ECE2: variants seen among roughly 807,000 people sequenced by gnomAD.
ECE2 encodes endothelin-converting enzyme 2.
In ECE2, 81 loss-of-function variants were observed where a neutral mutation model predicts 100.6. That is an observed-to-expected ratio of 0.81 (90% CI 0.67 to 0.97). The LOEUF is 0.97. Among genes scored for constraint, ECE2 ranks in the 50% least tolerant of loss-of-function variants. ECE2 has a pLI of 0.00. For missense variants in ECE2, 911 were observed against 988.1 expected, an observed-to-expected ratio of 0.92 and a Z score of 1.05; for synonymous variants, 391 against 391.5, an observed-to-expected ratio of 1.00 and a Z score of 0.02.
At chr3:184,290,888 A>G (rs776695217) in intron 16 of ECE2, 28 bp downstream of exon 16, 1 of 1,613,990 alleles carries the variant, frequency 6.2e-7, no homozygotes, top group Non-Finnish European at 8.5e-7. Context: ...CGTCCCCTCT[A>G]GCCTAGAATT....
chr3:184,291,941 G>T lies in ECE2; in HGVS notation c.2122-121G>T. 1.7e-6 allele frequency: 2 copies of T among 1,211,418 alleles called. No individual in the cohort carries two copies. The highest frequency in any genetic ancestry group is 2.3e-6 in the Non-Finnish European group (2 of 865,610). The allele number at this position is 1,211,418 out of a possible 1,614,324, so 75.0% of individuals were successfully genotyped here. On this transcript the variant is annotated intron_variant, in intron 18 of 18. Transcript: ENST00000404464. The surrounding 1 kb of genome is among the most constrained non-coding windows in gnomAD (Gnocchi z 4.1). ...GCAACCCGATGTCCAGGGCAGTTTT[G>T]GAAGGAACTTGGGAGGGGCTGCAGC...
At chr3:184,288,242 G>A (rs989366262) in intron 11 of ECE2, among the ~76,000 whole-genome samples, 5 of 150,308 alleles carry the variant, frequency 3.3e-5, no homozygotes, top group African/African-American at 7.4e-5. Context: ...CCCAGGAGGC[G>A]GAGGTTGCAG....
chr3:184,290,208 T>G, intron 13 of ECE2, 47 bp from the exon 14 acceptor site: 4 of 1,505,704 alleles, frequency 2.7e-6, no homozygotes, highest in Non-Finnish European at 3.7e-6. Context: ...TATTATCTTC[T>G]CCAATGGATT....
At position 184,285,109 on chromosome 3, in the gene ECE2, T is replaced by C. The variant is rs779854308; in HGVS notation, c.1148+4T>C. ...TCATCAACCGCACGGAACCAAGGTG[T>C]GGGGGTAGCCCAGGGTGAGGGTGGG... On this transcript the variant is annotated splice_donor_region_variant and intron_variant, in intron 9 of 18. Coordinates refer to ENST00000404464, the MANE Select transcript of ECE2 (RefSeq NM_001100121.2). 1.2e-6 allele frequency: 2 copies of C among 1,612,944 alleles called. No individual in the cohort carries two copies. Among genetic ancestry groups the C allele is most frequent in the Non-Finnish European group, 1.7e-6 (2 of 1,179,520 alleles).
chr3:184,292,013 C>T (rs760723312), intron 18 of ECE2, 49 bp from the exon 19 acceptor site: 13 of 1,560,844 alleles, frequency 8.3e-6, no homozygotes, highest in Admixed American at 3.6e-5. Flanking sequence ...CTCTAAGGCC[C>T]GGCTCCACAC....
intron 10 of ECE2, among the ~76,000 whole-genome samples, chr3:184,286,392 T>C (rs1721036580): frequency 6.6e-6 from 1 of 151,984 alleles, no homozygotes; most frequent in Non-Finnish European, 1.5e-5. Flanking sequence ...GGGAGTAGCA[T>C]GGAGAGGAGA....
rs1256782469 is a variant in ECE2 at position 184,286,834 on chromosome 3, G to T, written c.1264-1003G>T. The stretch of plus-strand genomic sequence containing the variant: ...AAAAAAAGGCAATTGCAGACTGAGT[G>T]TGGTGGCTCGTGCCTGTAATCAGCA... On this transcript the variant is annotated intron_variant, in intron 10 of 18. Transcript: ENST00000404464. Among the ~76,000 whole-genome samples, 3 of 150,668 alleles carry T rather than the reference G, an allele frequency of 2.0e-5. No homozygotes were observed. The East Asian group carries it at 5.8e-4, about 29-fold the overall frequency.
chr3:184,284,936 G>A (rs755659420), intron 8 of ECE2, 27 bp from the exon 9 acceptor site: 3 of 1,608,826 alleles, frequency 1.9e-6, no homozygotes, highest in South Asian at 2.2e-5. Context: ...AGTCGGGCAG[G>A]CAAGGCCTGA....
At chr3:184,281,827 A>C (rs1720824787) in intron 7 of ECE2, among the ~76,000 whole-genome samples, 1 of 152,254 alleles carries the variant, frequency 6.6e-6, no homozygotes, top group Non-Finnish European at 1.5e-5. Flanking sequence ...GGCTGGGTGC[A>C]GTGGCTCACG....
At chr3:184,276,790 G>T in intron 2 of ECE2, 102 bp from the exon 3 acceptor site, 3 of 1,575,298 alleles carry the variant, frequency 1.9e-6, no homozygotes, top group Non-Finnish European at 1.7e-6. Flanking sequence ...CGGGCCCAGA[G>T]TTAACCCTGT....
In ECE2 at chr3:184,292,331, G is replaced by A. The variant is rs1721369035; in HGVS notation, c.*93G>A. Reference sequence around the variant, plus strand: ...GCTCTTGGGTTGGGAGGAAGCAAATGCAAGCTGGGCTGGGTCTAGTCCCTC... The same window carrying A: ...GCTCTTGGGTTGGGAGGAAGCAAATACAAGCTGGGCTGGGTCTAGTCCCTC... On this transcript the variant is annotated 3_prime_UTR_variant, in exon 19 of 19. Transcript: ENST00000404464. The A allele has an allele frequency of 6.7e-7, 1 of 1,482,774 alleles. No individual in the cohort carries two copies. Among genetic ancestry groups the A allele is most frequent in the Non-Finnish European group, 9.2e-7 (1 of 1,083,306 alleles). The allele number at this position is 1,482,774 out of a possible 1,614,324, so 91.9% of individuals were successfully genotyped here.
At chr3:184,283,737 T>G (rs1435012943) in intron 7 of ECE2, 48 bp from the exon 8 acceptor site, 1 of 1,590,866 alleles carries the variant, frequency 6.3e-7, no homozygotes, top group African/African-American at 1.3e-5. Context: ...ATCTCAGCCT[T>G]GGGCAGGACT....
intron 4 of ECE2, 87 bp from the exon 5 acceptor site, chr3:184,277,838 G>A (rs1720632733): frequency 6.4e-7 from 1 of 1,556,978 alleles, no homozygotes; most frequent in Non-Finnish European, 8.6e-7. Context: ...TCATTGACAA[G>A]GCAAGGAGAG....
At chr3:184,279,147 T>C (rs998466765) in intron 7 of ECE2, among the ~76,000 whole-genome samples, 6 of 151,622 alleles carry the variant, frequency 4.0e-5, no homozygotes, top group African/African-American at 1.5e-4. Context: ...CCATCTCTAC[T>C]AAATATACAA....
At chr3:184,288,529 A>G (rs146635332) in intron 11 of ECE2, among the ~76,000 whole-genome samples, 3,926 of 152,234 alleles carry the variant, frequency 0.026, 68 homozygotes, top group Non-Finnish European at 0.041. Context: ...TATGGTTTTT[A>G]TGGCAATGTT....
chr3:184,289,485 G>A lies in ECE2; in HGVS notation c.1423G>A (p.Gly475Arg), dbSNP rs1198627147. Reference sequence around the variant, plus strand: ...CCGGACCGCATTTGAGGAGGCCCTGGGACAGCTGGTTTGGATGGATGAGAA... The same window carrying A: ...CCGGACCGCATTTGAGGAGGCCCTGAGACAGCTGGTTTGGATGGATGAGAA... ...EIRTAFEEAL[G>R]QLVWMDEKTR... Residue 475 changes from glycine (G) to arginine (R), a missense_variant, in exon 12 of 19, where the codon GGA becomes AGA. Coordinates refer to ENST00000404464, the MANE Select transcript of ECE2 (RefSeq NM_001100121.2). The surrounding 1 kb of genome is among the most constrained non-coding windows in gnomAD (Gnocchi z 4.1). 1.9e-5 allele frequency: 30 copies of A among 1,612,182 alleles called. No homozygotes were observed. The highest frequency in any genetic ancestry group is 2.5e-5 in the Non-Finnish European group (29 of 1,179,356).
intron 10 of ECE2, among the ~76,000 whole-genome samples, chr3:184,286,703 C>G (rs368990923): frequency 1.3e-5 from 2 of 150,012 alleles, no homozygotes; most frequent in Non-Finnish European, 3.0e-5. Context: ...ACTCGGGAGG[C>G]TGAAGCAGGA....
intron 7 of ECE2, 74 bp from the exon 8 acceptor site, chr3:184,283,711 G>C: frequency 4.7e-6 from 7 of 1,475,532 alleles, no homozygotes; most frequent in Non-Finnish European, 4.6e-6. Flanking sequence ...TTGGGCAGAG[G>C]TGGTGGTAAG....
At position 184,291,966 on chromosome 3, in the gene ECE2, C is replaced by T. The variant is rs1225508875; in HGVS notation, c.2122-96C>T. 1.1e-5 allele frequency: 15 copies of T among 1,401,768 alleles called. No individual in the cohort carries two copies. The highest frequency in any genetic ancestry group is 1.3e-5 in the South Asian group (1 of 74,926). 86.8% of individuals were successfully genotyped at this position (1,401,768 alleles called of 1,614,324 possible). A position where few individuals can be genotyped will look rare whatever the true frequency, so the allele number is the denominator to read the frequency against. The stretch of plus-strand genomic sequence containing the variant: ...GGAAGGAACTTGGGAGGGGCTGCAG[C>T]GGTGGTGGTTTGTGCCCCTGGGATG... On this transcript the variant is annotated intron_variant, in intron 18 of 18. Coordinates refer to ENST00000404464, the MANE Select transcript of ECE2 (RefSeq NM_001100121.2). This position sits in a 1 kb window ranked among gnomAD's most constrained non-coding sequence, Gnocchi z 4.1.
Sources: gnomAD v4.1 joint callset for allele counts (sites outside exome capture counted in the v4.1 genomes callset) on GRCh38, gnomAD v4.1.1 for gene constraint, Gnocchi (gnomAD v3.1) non-coding constraint, MANE v1.5 for transcripts, NCBI Gene and HGNC (gene_info 2026-07-23, HGNC 2026-07-21) for gene names.